PAQR3: variants seen among roughly 807,000 people sequenced by gnomAD.
The protein encoded by PAQR3 is Raf kinase trapping to Golgi.
PAQR3 carries 39 observed loss-of-function variants against 41.7 expected under a neutral mutation model. That is an observed-to-expected ratio of 0.93 (90% CI 0.72 to 1.22). PAQR3 has a LOEUF of 1.22. Ranked by LOEUF, PAQR3 falls within the 50% of genes most tolerant of loss-of-function variation. The pLI, the probability that PAQR3 is intolerant of heterozygous loss-of-function variation, is 0.00. For synonymous variants in PAQR3, 140 were observed against 140.6 expected, an observed-to-expected ratio of 1.00 and a Z score of 0.03; for missense variants, 366 against 385.6, an observed-to-expected ratio of 0.95 and a Z score of 0.42.
At chr4:78,908,186 A>G (rs1392170533), downstream of PAQR3, among the ~76,000 whole-genome samples, 1 of 152,238 alleles carries the variant, frequency 6.6e-6, no homozygotes, top group African/African-American at 2.4e-5. Flanking sequence ...TTTGCAATTA[A>G]GTATAACCTG....
At chr4:78,937,267 A>T (rs1403507304) in intron 1 of PAQR3, among the ~76,000 whole-genome samples, 1 of 152,224 alleles carries the variant, frequency 6.6e-6, no homozygotes, top group African/African-American at 2.4e-5. Context: ...AAGGGTGCTA[A>T]GTAAAAATGC....
chr4:78,921,772 A>G, intron 5 of PAQR3: 1 of 984,574 alleles, frequency 1.0e-6, no homozygotes, highest in Non-Finnish European at 1.2e-6. Context: ...GACTTGCCAG[A>G]GATAGTTTCT....
At chr4:78,931,919 A>G (rs1429785790) in intron 2 of PAQR3, among the ~76,000 whole-genome samples, 1 of 152,202 alleles carries the variant, frequency 6.6e-6, no homozygotes, top group Non-Finnish European at 1.5e-5. Context: ...TGAAGATTTT[A>G]AGTGCCCCCC....
At chr4:78,926,064 A>G (rs1359599577) in intron 4 of PAQR3, among the ~76,000 whole-genome samples, 1 of 152,046 alleles carries the variant, frequency 6.6e-6, no homozygotes, top group Non-Finnish European at 1.5e-5. Context: ...TCCTATCTCT[A>G]CCTTTACATC....
chr4:78,905,033 A>G (rs140981730), intron 11 of PAQR3, among the ~76,000 whole-genome samples: 28 of 152,012 alleles, frequency 1.8e-4, no homozygotes, highest in Admixed American at 1.8e-3. Flanking sequence ...GAATATATGA[A>G]TGTATTCCTA....
At chr4:78,911,701 G>A (rs868804590), downstream of PAQR3, 6 of 1,613,772 alleles carry the variant, frequency 3.7e-6, no homozygotes, top group African/African-American at 6.7e-5. Flanking sequence ...ACTGACTGAT[G>A]GGAAAGATAG....
At chr4:78,908,380 T>A (rs1247367775), downstream of PAQR3, among the ~76,000 whole-genome samples, 2 of 152,246 alleles carry the variant, frequency 1.3e-5, no homozygotes, top group Non-Finnish European at 2.9e-5. Flanking sequence ...TCTCTCTCCA[T>A]TTCTGTGACA....
chr4:78,920,642 T>C lies in PAQR3; in HGVS notation c.833A>G (p.His278Arg). 6.2e-7 allele frequency: 1 copy of C among 1,610,886 alleles called. No individual in the cohort carries two copies. Among genetic ancestry groups the C allele is most frequent in the Non-Finnish European group, 8.5e-7 (1 of 1,178,096 alleles). ...NYLGSSHQIW[H>R]ILAVVMLYWW... ...ATATAACATCACTACTGCAAGGATA[T>C]GCCATATTTGGTGGCTTGATCCGAG... Residue 278 changes from histidine (H) to arginine (R), a missense_variant, in exon 6 of 6, where the codon CAT (histidine) becomes CGT (arginine). Coordinates refer to ENST00000512733, the MANE Select transcript of PAQR3 (RefSeq NM_001040202.2).
intron 2 of PAQR3, chr4:78,933,133 GC>G (rs1262483740): frequency 1.1e-5 from 5 of 455,426 alleles, no homozygotes; most frequent in South Asian, 7.8e-5. Flanking sequence ...CTGCTTAAAT[GC>G]CCTGCCTCAC....
Position 78,939,228 on chromosome 4 carries a change from TC to T in PAQR3, c.-5del. ...TCTTCAGCAGCTTCTGATGCATCGT[TC>T]CCGGCCGCCGCCGCTCCCCGGCTCG... On this transcript the variant is annotated 5_prime_UTR_variant, in exon 1 of 6. Transcript: ENST00000512733. 6.3e-7 allele frequency: 1 copy of T among 1,576,256 alleles called. No homozygotes were observed. Among genetic ancestry groups the T allele is most frequent in the Admixed American group, 1.8e-5 (1 of 54,610 alleles).
At chr4:78,898,288 A>G (rs957553941) in intron 11 of PAQR3, among the ~76,000 whole-genome samples, 6 of 152,140 alleles carry the variant, frequency 3.9e-5, no homozygotes, top group Non-Finnish European at 8.8e-5. Flanking sequence ...ATTACATTAC[A>G]TAGAGCAAAT....
intron 5 of PAQR3, chr4:78,922,047 T>G (rs1441812737): frequency 2.9e-6 from 3 of 1,019,326 alleles, no homozygotes; most frequent in Non-Finnish European, 3.5e-6. Context: ...ACATAGAGAA[T>G]TTTCATGGTT....
In PAQR3 at chr4:78,915,995, C is replaced by G. The variant is rs559658221; in HGVS notation, c.*4544G>C. 2.0e-5 allele frequency: 3 copies of G among 151,886 alleles called. No homozygotes were observed. The highest frequency in any genetic ancestry group is 7.2e-5 in the African/African-American group (3 of 41,504). The allele number at this position is 151,886 out of a possible 1,614,324, so 9.4% of individuals were successfully genotyped here. ...TTTGTTAAACTTGAATTTTCTGAAG[C>G]CTTTTATGTACCACTAAGCAAATAA... On this transcript the variant is annotated 3_prime_UTR_variant, in exon 6 of 6. Coordinates refer to ENST00000512733, the MANE Select transcript of PAQR3 (RefSeq NM_001040202.2).
At chr4:78,935,099 C>A (rs375639698) in intron 2 of PAQR3, 22 bp downstream of exon 2, 7 of 1,609,012 alleles carry the variant, frequency 4.4e-6, no homozygotes, top group Non-Finnish European at 5.1e-6. Flanking sequence ...TTACCAACAG[C>A]AGTATTTGTG....
At chr4:78,895,319 A>G (rs983155020) in intron 11 of PAQR3, among the ~76,000 whole-genome samples, 1 of 152,214 alleles carries the variant, frequency 6.6e-6, no homozygotes, top group Admixed American at 6.5e-5. Flanking sequence ...TTTTTAAAGC[A>G]TAGGGTTTAA....
chr4:78,915,511 ATTGAG>A lies in PAQR3; in HGVS notation c.*5023_*5027del, dbSNP rs927594409. The A allele has an allele frequency of 2.0e-5, 3 of 151,524 alleles. No individual in the cohort carries two copies. The highest frequency in any genetic ancestry group is 7.3e-5 in the African/African-American group (3 of 41,252). The allele number at this position is 151,524 out of a possible 1,614,324, so 9.4% of individuals were successfully genotyped here. A position where few individuals can be genotyped will look rare whatever the true frequency, so the allele number is the denominator to read the frequency against. ...CAAACTTGTTATTTTAGGTCCAATTATTGAGTTGACAGTCTACTGTGAGAATGAGA... is the reference window on the plus strand; with the variant it reads ...CAAACTTGTTATTTTAGGTCCAATTATTGACAGTCTACTGTGAGAATGAGA... On this transcript the variant is annotated 3_prime_UTR_variant, in exon 6 of 6. Transcript: ENST00000512733.
Position 78,917,947 on chromosome 4 carries a change from T to G in PAQR3, c.*2592A>C. 1 of 984,366 alleles carries G rather than the reference T, an allele frequency of 1.0e-6. No individual in the cohort carries two copies. Among genetic ancestry groups the G allele is most frequent in the African/African-American group, 1.7e-5 (1 of 57,316 alleles). 61.0% of individuals were successfully genotyped at this position (984,366 alleles called of 1,614,324 possible). A position where few individuals can be genotyped will look rare whatever the true frequency, so the allele number is the denominator to read the frequency against. On this transcript the variant is annotated 3_prime_UTR_variant, in exon 6 of 6. Coordinates refer to ENST00000512733, the MANE Select transcript of PAQR3 (RefSeq NM_001040202.2). ...ACAAGCAGCAGTTAAAAATATTTAG[T>G]AAACCCAGTTTATTTACATAATACA...
rs774628974 is a variant in PAQR3, at chr4:78,912,061, C to T, written c.*8478G>A. On this transcript the variant is annotated 3_prime_UTR_variant, in exon 6 of 6. Coordinates refer to ENST00000512733, the MANE Select transcript of PAQR3 (RefSeq NM_001040202.2). ...ACTTCTGATGGATTCTCGGCATTAACTCCTGTTTCAAAAAAGTGTGAACAG... is the reference window on the plus strand; with the variant it reads ...ACTTCTGATGGATTCTCGGCATTAATTCCTGTTTCAAAAAAGTGTGAACAG... 356 of 1,541,586 alleles carry T rather than the reference C, an allele frequency of 2.3e-4. No individual in the cohort carries two copies. Among genetic ancestry groups the T allele is most frequent in the Non-Finnish European group, 2.9e-4 (335 of 1,140,670 alleles).
chr4:78,919,628 T>G lies in PAQR3; in HGVS notation c.*911A>C, dbSNP rs1024734205. 20 of 984,996 alleles carry G rather than the reference T, an allele frequency of 2.0e-5. No individual in the cohort carries two copies. Among genetic ancestry groups the G allele is most frequent in the African/African-American group, 3.5e-5 (2 of 57,182 alleles). The allele number at this position is 984,996 out of a possible 1,614,324, so 61.0% of individuals were successfully genotyped here. A position where few individuals can be genotyped will look rare whatever the true frequency, so the allele number is the denominator to read the frequency against. On this transcript the variant is annotated 3_prime_UTR_variant, in exon 6 of 6. Coordinates refer to ENST00000512733, the MANE Select transcript of PAQR3 (RefSeq NM_001040202.2). Reference sequence around the variant, plus strand: ...TCAAGACAGGGCCATCTAGATTCTATGGCCTTGCAAGTAGCACCCACAATG... The same window carrying G: ...TCAAGACAGGGCCATCTAGATTCTAGGGCCTTGCAAGTAGCACCCACAATG...
Sources: gnomAD v4.1 joint callset for allele counts (sites outside exome capture counted in the v4.1 genomes callset) on GRCh38, gnomAD v4.1.1 for gene constraint, MANE v1.5 for transcripts, NCBI Gene and HGNC (gene_info 2026-07-23, HGNC 2026-07-21) for gene names.